PSD3: variants seen among roughly 807,000 people sequenced by gnomAD.
PSD3 encodes pleckstrin and Sec7 domain containing 3, also known as PH and SEC7 domain-containing protein 3.
Under a neutral mutation model 105.5 loss-of-function variants are expected in PSD3, and 49 were observed. That is an observed-to-expected ratio of 0.46 (90% CI 0.37 to 0.59). The LOEUF is 0.59. Ranked by LOEUF, PSD3 falls within the 20% of genes least tolerant of loss-of-function variation. PSD3 has a pLI of 0.00. For missense variants in PSD3, 1,561 were observed against 1,263.8 expected, an observed-to-expected ratio of 1.24 and a Z score of -3.57; for synonymous variants, 557 against 457.8, an observed-to-expected ratio of 1.22 and a Z score of -2.77.
chr8:18,749,127 C>T (rs58121066), intron 9 of PSD3, among the ~76,000 whole-genome samples: 3,437 of 152,298 alleles, frequency 0.023, 212 homozygotes, highest in East Asian at 0.19. Context: ...CTTATTTCTA[C>T]TTTGATCTAG....
intron 1 of PSD3, among the ~76,000 whole-genome samples, chr8:18,981,403 T>C (rs530308075): frequency 1.3e-5 from 2 of 152,276 alleles, no homozygotes; most frequent in South Asian, 4.1e-4. Flanking sequence ...GAAGCCCAGA[T>C]TCTATCACTT....
intron 8 of PSD3, among the ~76,000 whole-genome samples, chr8:18,798,778 A>T (rs1174849634): frequency 6.6e-6 from 1 of 152,158 alleles, no homozygotes; most frequent in Non-Finnish European, 1.5e-5. Context: ...ATTTATATAT[A>T]ATTATACATT....
chr8:18,853,607 C>T (rs531892789), intron 4 of PSD3, among the ~76,000 whole-genome samples: 12 of 152,206 alleles, frequency 7.9e-5, no homozygotes, highest in Non-Finnish European at 1.3e-4. Context: ...TTCAGTAAAA[C>T]GTTGAATTCT....
chr8:19,040,066 C>T (rs150447905), intron 1 of PSD3, among the ~76,000 whole-genome samples: 19 of 152,262 alleles, frequency 1.2e-4, no homozygotes, highest in African/African-American at 4.6e-4. Flanking sequence ...ACCACACAAA[C>T]ATGAACGGAA....
At chr8:18,702,605 C>CTT (rs1176218219) in intron 9 of PSD3, among the ~76,000 whole-genome samples, 1 of 151,544 alleles carries the variant, frequency 6.6e-6, no homozygotes, top group Non-Finnish European at 1.5e-5. Context: ...GCTATAGGTA[C>CTT]TCTTTCTTTC....
At chr8:18,636,708 G>C (rs1022819615) in intron 10 of PSD3, among the ~76,000 whole-genome samples, 1 of 152,048 alleles carries the variant, frequency 6.6e-6, no homozygotes, top group South Asian at 2.1e-4. Context: ...TTTGATTACT[G>C]TTTGTTTTCT....
At chr8:18,829,780 G>C (rs1049790561) in intron 4 of PSD3, among the ~76,000 whole-genome samples, 1 of 151,834 alleles carries the variant, frequency 6.6e-6, no homozygotes, top group African/African-American at 2.4e-5. Flanking sequence ...AAATACATGA[G>C]ATGAATTAAA....
chr8:19,039,046 G>A (rs1346020113), intron 1 of PSD3, among the ~76,000 whole-genome samples: 6 of 151,988 alleles, frequency 3.9e-5, no homozygotes, highest in Non-Finnish European at 8.8e-5. Flanking sequence ...CTTAATCCCC[G>A]GCAATTTGAC....
intron 7 of PSD3, among the ~76,000 whole-genome samples, chr8:18,800,068 T>C (rs921622536): frequency 6.6e-6 from 1 of 152,214 alleles, no homozygotes. Context: ...CTAGTACCAC[T>C]TTATTATCAC....
intron 2 of PSD3, among the ~76,000 whole-genome samples, chr8:18,906,316 T>A (rs1006869270): frequency 6.6e-6 from 1 of 152,208 alleles, no homozygotes; most frequent in Non-Finnish European, 1.5e-5. Context: ...TAATAAATTT[T>A]CCTTTTAACA....
chr8:18,536,486 G>C (rs147185890), intron 15 of PSD3, among the ~76,000 whole-genome samples: 1 of 152,190 alleles, frequency 6.6e-6, no homozygotes, highest in Non-Finnish European at 1.5e-5. Context: ...AGTCCCCTAT[G>C]AGACCATACC....
In PSD3 at chr8:18,776,353, T is replaced by A. The variant is rs187994380; in HGVS notation, c.2083-10815A>T. 3.2e-3 allele frequency among the ~76,000 whole-genome samples: 457 copies of A among 144,802 alleles called. 6 individuals are homozygous for A. The highest frequency in any genetic ancestry group is 0.011 in the African/African-American group (414 of 39,320). 95.0% of individuals were successfully genotyped at this position (144,802 alleles called of 152,430 possible). A position where few individuals can be genotyped will look rare whatever the true frequency, so the allele number is the denominator to read the frequency against. On this transcript the variant is annotated intron_variant, in intron 8 of 15. Coordinates refer to ENST00000327040, the MANE Select transcript of PSD3 (RefSeq NM_015310.4). The stretch of plus-strand genomic sequence containing the variant: ...TATATAAATATATATAGTATAAAAA[T>A]ATATATATCTAAATATATGTATATA...
At chr8:18,640,094 C>T (rs1172719449) in intron 10 of PSD3, among the ~76,000 whole-genome samples, 1 of 152,156 alleles carries the variant, frequency 6.6e-6, no homozygotes, top group Non-Finnish European at 1.5e-5. Flanking sequence ...CTCTTGGAAG[C>T]AGACTGTGGT....
At chr8:18,754,426 T>C (rs1402010819) in intron 9 of PSD3, among the ~76,000 whole-genome samples, 1 of 152,154 alleles carries the variant, frequency 6.6e-6, no homozygotes, top group African/African-American at 2.4e-5. Context: ...ATTTATGTAA[T>C]AACCTAAATG....
rs1811144705 is a variant in PSD3 at position 18,805,771 on chromosome 8, G to A, written c.1635-873C>T. On this transcript the variant is annotated intron_variant, in intron 4 of 15. Transcript: ENST00000327040. ...CATTAATGAAAAGTCTAAGTATTGG[G>A]AAGCTGCCAAACCTTTGCGGGCAGA... is the stretch of plus-strand genomic sequence containing the variant. Among the ~76,000 whole-genome samples the A allele has an allele frequency of 3.3e-5, 5 of 152,104 alleles. No homozygotes were observed. In the South Asian group the frequency reaches 1.0e-3, roughly 31 times the overall value.
At chr8:18,680,435 G>T (rs1419828850) in intron 9 of PSD3, among the ~76,000 whole-genome samples, 1 of 152,152 alleles carries the variant, frequency 6.6e-6, no homozygotes, top group Admixed American at 6.5e-5. Flanking sequence ...ACAGCAGGAA[G>T]GTCTGCACTG....
At chr8:19,056,608 A>G (rs890290235) in intron 1 of PSD3, among the ~76,000 whole-genome samples, 5 of 152,222 alleles carry the variant, frequency 3.3e-5, no homozygotes, top group African/African-American at 1.2e-4. Context: ...ACTACATATT[A>G]TGTCTGTGCA....
chr8:18,806,017 TTTCCTGG>T (rs1811163886), intron 4 of PSD3, among the ~76,000 whole-genome samples: 1 of 152,214 alleles, frequency 6.6e-6, no homozygotes, highest in Non-Finnish European at 1.5e-5. Context: ...GACGAATGTT[TTTCCTGG>T]AGACTACCAG....
At chr8:18,723,764 A>C (rs1040368810) in intron 9 of PSD3, among the ~76,000 whole-genome samples, 1 of 152,246 alleles carries the variant, frequency 6.6e-6, no homozygotes, top group Non-Finnish European at 1.5e-5. Context: ...AAAGCCAAGT[A>C]CATAAAAATA....
Sources: gnomAD v4.1 joint callset for allele counts (sites outside exome capture counted in the v4.1 genomes callset) on GRCh38, gnomAD v4.1.1 for gene constraint, MANE v1.5 for transcripts, NCBI Gene and HGNC (gene_info 2026-07-23, HGNC 2026-07-21) for gene names.